Variants in DLC1 observed in about 807,000 individuals in gnomAD.
DLC1 encodes the protein DLC1 Rho GTPase activating protein.
A neutral mutation model predicts 140.3 loss-of-function variants in DLC1; 54 were observed. The observed-to-expected ratio is 0.38, with a 90% CI of 0.31 to 0.48. The LOEUF (loss-of-function observed/expected upper bound fraction) is 0.48, where lower values mean the gene tolerates loss of function less well. Ranked by LOEUF, DLC1 falls within the 20% of genes least tolerant of loss-of-function variation. The pLI is 0.96. For synonymous variants in DLC1, 986 were observed against 728.1 expected (o/e 1.35, Z -5.70); for missense variants, 2,536 against 1,907.0 (o/e 1.33, Z -6.14).
chr8:13,366,576 G>A (rs1040238354), intron 4 of DLC1, among the ~76,000 whole-genome samples: 5 of 152,206 alleles, frequency 3.3e-5, no homozygotes, highest in African/African-American at 9.6e-5. Context: ...TTATACTTCA[G>A]TGTTCTTGTT....
chr8:13,119,641 C>A (rs944766080), intron 5 of DLC1, among the ~76,000 whole-genome samples: 1 of 152,098 alleles, frequency 6.6e-6, no homozygotes, highest in Non-Finnish European at 1.5e-5. Flanking sequence ...AGAGAAGTAA[C>A]CACCTCTCCT....
In DLC1 at chr8:13,158,294, T is replaced by C. The variant is rs553579137; in HGVS notation, c.1349-42637A>G. ...ATATTCAGTGAAACTTGTTCATCTT[T>C]CTACATAATAAACAAAAGAAACAGT... On this transcript the variant is annotated intron_variant, in intron 5 of 17. Coordinates refer to ENST00000276297, the MANE Select transcript of DLC1 (RefSeq NM_182643.3). Among the ~76,000 whole-genome samples the C allele has an allele frequency of 2.0e-5, 3 of 152,192 alleles. No individual in the cohort carries two copies. In the South Asian group the frequency reaches 6.2e-4, roughly 32 times the overall value.
chr8:13,254,506 A>G (rs1432564030), intron 5 of DLC1, among the ~76,000 whole-genome samples: 4 of 152,256 alleles, frequency 2.6e-5, no homozygotes, highest in Non-Finnish European at 5.9e-5. Context: ...TATTGCATGA[A>G]TACAATTGAT....
At chr8:13,540,357 T>C (rs1803441850) in intron 1 of DLC1, among the ~76,000 whole-genome samples, 1 of 152,250 alleles carries the variant, frequency 6.6e-6, no homozygotes, top group Non-Finnish European at 1.5e-5. Context: ...ACCGTTCATA[T>C]TTTCTATCCC....
chr8:13,307,889 T>C (rs530713444), intron 4 of DLC1, among the ~76,000 whole-genome samples: 13 of 152,314 alleles, frequency 8.5e-5, no homozygotes, highest in African/African-American at 3.1e-4. Flanking sequence ...TAAACAGACT[T>C]ATTTTGAAAT....
At chr8:13,198,623 A>T (rs1024525964) in intron 5 of DLC1, among the ~76,000 whole-genome samples, 1 of 152,026 alleles carries the variant, frequency 6.6e-6, no homozygotes, top group Non-Finnish European at 1.5e-5. Flanking sequence ...AAAATGGAAA[A>T]TGTTGCTTAT....
At chr8:13,298,226 A>T (rs899955139) in intron 5 of DLC1, among the ~76,000 whole-genome samples, 1 of 152,192 alleles carries the variant, frequency 6.6e-6, no homozygotes, top group African/African-American at 2.4e-5. Flanking sequence ...GAGAATAAAC[A>T]TTCTGAGAAA....
chr8:13,548,954 G>C (rs752758830), intron 1 of DLC1, among the ~76,000 whole-genome samples: 6 of 152,012 alleles, frequency 3.9e-5, no homozygotes, highest in Admixed American at 3.3e-4. Context: ...TCAGTGAAAG[G>C]ATTCTTCTCT....
At chr8:13,221,836 A>G (rs901657605) in intron 5 of DLC1, among the ~76,000 whole-genome samples, 1 of 145,136 alleles carries the variant, frequency 6.9e-6, no homozygotes, top group Non-Finnish European at 1.5e-5. Context: ...ACATCAAAAT[A>G]TTAATATAAA....
chr8:13,579,813 C>T (rs185277119), intron 1 of DLC1, among the ~76,000 whole-genome samples: 1 of 151,814 alleles, frequency 6.6e-6, no homozygotes. Flanking sequence ...TGGCCCTCTG[C>T]ATAGCACATT....
At position 13,567,827 on chromosome 8, in the gene DLC1, C is replaced by A. The variant is rs746547308; in HGVS notation, c.-126+36710G>T. Reference sequence around the variant, plus strand: ...ATCAGATACTCTGGTTTTGAAAGATCAGAGACAGAGCAGAAGTTGCAGCGA... The same window carrying A: ...ATCAGATACTCTGGTTTTGAAAGATAAGAGACAGAGCAGAAGTTGCAGCGA... On this transcript the variant is annotated intron_variant, in intron 1 of 1. Transcript: ENST00000631382. The A allele has an allele frequency of 5.8e-6, 9 of 1,551,712 alleles. No individual in the cohort carries two copies. In the South Asian group the frequency reaches 1.1e-4, roughly 18 times the overall value.
At chr8:13,526,392 C>G (rs891124390) in intron 1 of DLC1, among the ~76,000 whole-genome samples, 5 of 152,080 alleles carry the variant, frequency 3.3e-5, no homozygotes, top group Non-Finnish European at 7.4e-5. Flanking sequence ...GGATCAATTG[C>G]AGGAAAACTG....
intron 2 of DLC1, among the ~76,000 whole-genome samples, chr8:13,417,309 T>C (rs1282191433): frequency 6.6e-6 from 1 of 151,828 alleles, no homozygotes; most frequent in Non-Finnish European, 1.5e-5. Context: ...GCTGCACCCA[T>C]TAACTCGTCA....
At chr8:13,516,304 A>G (rs796821266), upstream of DLC1, among the ~76,000 whole-genome samples, 112 of 152,306 alleles carry the variant, frequency 7.4e-4, 1 homozygote, top group African/African-American at 2.5e-3. Context: ...GAGGTAAAAG[A>G]CATCTTAAAC....
At chr8:13,326,908 T>G (rs1279392786) in intron 4 of DLC1, among the ~76,000 whole-genome samples, 1 of 152,174 alleles carries the variant, frequency 6.6e-6, no homozygotes, top group Non-Finnish European at 1.5e-5. Flanking sequence ...AAGGTGAATT[T>G]GTGATCAGTA....
chr8:13,581,005 C>A (rs745891301), intron 1 of DLC1, among the ~76,000 whole-genome samples: 1 of 152,150 alleles, frequency 6.6e-6, no homozygotes, highest in Non-Finnish European at 1.5e-5. Context: ...CAGCTTTCCC[C>A]CATGTAGGGC....
intron 4 of DLC1, among the ~76,000 whole-genome samples, chr8:13,359,062 C>T (rs951933894): frequency 2.0e-5 from 3 of 152,144 alleles, no homozygotes; most frequent in African/African-American, 4.8e-5. Context: ...CCTCAGCCTC[C>T]CAGGTAGCTG....
chr8:13,110,908 A>C, intron 6 of DLC1, 85 bp from the exon 7 acceptor site: 1 of 1,220,930 alleles, frequency 8.2e-7, no homozygotes, highest in Non-Finnish European at 1.2e-6. Flanking sequence ...CAGGGATAAA[A>C]CTCTTCAGCA....
chr8:13,147,791 C>A (rs1448851475), intron 5 of DLC1, among the ~76,000 whole-genome samples: 1 of 152,126 alleles, frequency 6.6e-6, no homozygotes, highest in Non-Finnish European at 1.5e-5. Context: ...AGATTGAGAC[C>A]ATCCTGGCCA....
Sources: gnomAD v4.1 joint callset for allele counts (sites outside exome capture counted in the v4.1 genomes callset) on GRCh38, gnomAD v4.1.1 for gene constraint, MANE v1.5 for transcripts, NCBI Gene and HGNC (gene_info 2026-07-23, HGNC 2026-07-21) for gene names.